FUT8: variants seen among roughly 807,000 people sequenced by gnomAD.
FUT8 encodes the protein alpha-(1,6)-fucosyltransferase.
A neutral mutation model predicts 71.3 loss-of-function variants in FUT8; 29 were observed. The ratio of observed to expected loss-of-function variants is 0.41; its 90% CI spans 0.30 to 0.55. FUT8 has a LOEUF of 0.55. Ranked by LOEUF, FUT8 falls within the 20% of genes least tolerant of loss-of-function variation. FUT8 has a pLI of 0.34. For missense variants in FUT8, 544 were observed against 702.1 expected (o/e 0.77, Z 2.55); for synonymous variants, 254 against 239.3 (o/e 1.06, Z -0.57).
At chr14:65,633,329 T>G (rs2140275052) in intron 6 of FUT8, among the ~76,000 whole-genome samples, 2 of 152,286 alleles carry the variant, frequency 1.3e-5, no homozygotes, top group African/African-American at 4.8e-5. Context: ...TGCTCAGTGG[T>G]GCCCAGGCTG....
chr14:65,479,121 C>T (rs1321926348), intron 2 of FUT8, among the ~76,000 whole-genome samples: 1 of 152,178 alleles, frequency 6.6e-6, no homozygotes, highest in African/African-American at 2.4e-5. Context: ...TCAATACATA[C>T]ATTCATTCCC....
At chr14:65,583,859 C>T (rs1231458194) in intron 3 of FUT8, among the ~76,000 whole-genome samples, 4 of 151,966 alleles carry the variant, frequency 2.6e-5, no homozygotes, top group African/African-American at 7.3e-5. Flanking sequence ...TTAAAATATC[C>T]GAATTAGCCA....
chr14:65,716,431 C>CT (rs201105372), intron 7 of FUT8, among the ~76,000 whole-genome samples: 2,602 of 99,134 alleles, frequency 0.026, 71 homozygotes, highest in African/African-American at 0.088. Flanking sequence ...GACAGGATTT[C>CT]TTTTTTTTTT....
intron 2 of FUT8, among the ~76,000 whole-genome samples, chr14:65,500,333 C>T (rs1256142208): frequency 6.6e-6 from 1 of 152,086 alleles, no homozygotes; most frequent in African/African-American, 2.4e-5. Flanking sequence ...GGGTTCTGGG[C>T]ATCATCGTCG....
chr14:65,637,799 G>A (rs547167114), intron 6 of FUT8, among the ~76,000 whole-genome samples: 2 of 152,008 alleles, frequency 1.3e-5, no homozygotes, highest in Non-Finnish European at 2.9e-5. Flanking sequence ...TGCCAGAAAC[G>A]GGACTTACTT....
intron 10 of FUT8, among the ~76,000 whole-genome samples, chr14:65,735,969 G>C (rs1285134538): frequency 3.9e-5 from 6 of 152,086 alleles, no homozygotes; most frequent in Non-Finnish European, 7.4e-5. Flanking sequence ...AATAGAGCGT[G>C]AGAAAAAGTC....
intron 2 of FUT8, among the ~76,000 whole-genome samples, chr14:65,560,895 G>A (rs2140042172): frequency 1.3e-5 from 2 of 152,284 alleles, no homozygotes; most frequent in East Asian, 3.9e-4. Flanking sequence ...AATGAGGGAG[G>A]AGAGTGGAGT....
intron 2 of FUT8, among the ~76,000 whole-genome samples, chr14:65,531,066 A>T (rs531152509): frequency 6.6e-6 from 1 of 151,184 alleles, no homozygotes; most frequent in African/African-American, 2.4e-5. Context: ...TACTCTTTCA[A>T]ATTCCTTCAA....
chr14:65,548,064 A>G (rs1318067587), intron 2 of FUT8, among the ~76,000 whole-genome samples: 1 of 151,942 alleles, frequency 6.6e-6, no homozygotes, highest in Non-Finnish European at 1.5e-5. Context: ...AGTACTGGTT[A>G]GGTATTTTGT....
chr14:65,442,983 T>C (rs979878685), intron 1 of FUT8, among the ~76,000 whole-genome samples: 1 of 152,140 alleles, frequency 6.6e-6, no homozygotes, highest in African/African-American at 2.4e-5. Flanking sequence ...ATATCAATAT[T>C]CATTAAGTAT....
intron 2 of FUT8, chr14:65,529,241 T>G (rs1883759545): frequency 6.6e-6 from 1 of 152,254 alleles, no homozygotes; most frequent in African/African-American, 2.4e-5. Flanking sequence ...TTCTTTTTCT[T>G]TTTTTTTGAC....
intron 8 of FUT8, 59 bp from the exon 9 acceptor site, chr14:65,724,088 G>T: frequency 7.7e-7 from 1 of 1,305,406 alleles, no homozygotes; most frequent in Non-Finnish European, 1.0e-6. Flanking sequence ...TATAAATTGA[G>T]TACCCTCAAA....
intron 2 of FUT8, among the ~76,000 whole-genome samples, chr14:65,458,589 G>A (rs1256849033): frequency 2.0e-5 from 3 of 152,128 alleles, no homozygotes; most frequent in Non-Finnish European, 4.4e-5. Flanking sequence ...CTCAGAAAAT[G>A]TAGGATGGTT....
chr14:65,686,402 G>A (rs74058560), intron 7 of FUT8, among the ~76,000 whole-genome samples: 5,646 of 152,214 alleles, frequency 0.037, 255 homozygotes, highest in African/African-American at 0.11. Context: ...AATAAGTTCA[G>A]TATGAAATAA....
the FUT8 span, among the ~76,000 whole-genome samples, chr14:65,367,663 G>A: frequency 6.6e-6 from 1 of 152,138 alleles, no homozygotes; most frequent in Non-Finnish European, 1.5e-5. Context: ...AACATGCACT[G>A]CAATCTTTAG....
chr14:65,527,695 C>G (rs1472429418), intron 2 of FUT8, among the ~76,000 whole-genome samples: 1 of 152,148 alleles, frequency 6.6e-6, no homozygotes, highest in Non-Finnish European at 1.5e-5. Flanking sequence ...TACCTTTGGT[C>G]TTTGATGATG....
chr14:65,424,543 T>TC (rs1366379577), intron 1 of FUT8, among the ~76,000 whole-genome samples: 73 of 145,946 alleles, frequency 5.0e-4, no homozygotes, highest in East Asian at 4.7e-3. Flanking sequence ...TCTTTTCTTT[T>TC]TTTTTTTTTT....
At chr14:65,495,812 T>C (rs2066550089) in intron 2 of FUT8, among the ~76,000 whole-genome samples, 1 of 152,100 alleles carries the variant, frequency 6.6e-6, no homozygotes, top group African/African-American at 2.4e-5. Flanking sequence ...TTGGTTCAAG[T>C]AGGGGTAAGG....
intron 2 of FUT8, among the ~76,000 whole-genome samples, chr14:65,495,981 T>G (rs564939175): frequency 6.6e-6 from 1 of 152,146 alleles, no homozygotes; most frequent in South Asian, 2.1e-4. Flanking sequence ...AAAATAAATT[T>G]AGACACAAAA....
Sources: gnomAD v4.1 joint callset for allele counts (sites outside exome capture counted in the v4.1 genomes callset) on GRCh38, gnomAD v4.1.1 for gene constraint, MANE v1.5 for transcripts, NCBI Gene and HGNC (gene_info 2026-07-23, HGNC 2026-07-21) for gene names.